The following MPPED2 variants were observed in gnomAD, a reference collection of about 807,000 sequenced individuals.
The protein encoded by MPPED2 is metallophosphoesterase MPPED2.
In MPPED2, 5 loss-of-function variants were observed where a neutral mutation model predicts 33.0. The observed-to-expected ratio is 0.15, with a 90% CI of 0.08 to 0.32. MPPED2 has a LOEUF of 0.32. Ranked by LOEUF, MPPED2 falls within the 10% of genes least tolerant of loss-of-function variation. The probability of loss-of-function intolerance (pLI) is 1.00; values close to 1 mark genes in which losing one functional copy is unlikely to be tolerated. For missense variants in MPPED2, 275 were observed against 372.1 expected, an observed-to-expected ratio of 0.74 and a Z score of 2.15; for synonymous variants, 136 against 141.9, an observed-to-expected ratio of 0.96 and a Z score of 0.29.
At chr11:30,512,814 A>T (rs1205494266) in intron 3 of MPPED2, among the ~76,000 whole-genome samples, 1 of 152,164 alleles carries the variant, frequency 6.6e-6, no homozygotes, top group East Asian at 1.9e-4. Flanking sequence ...CAGCCTGGTC[A>T]ATATGGTGAA....
At chr11:30,443,379 C>G (rs369630360) in intron 4 of MPPED2, among the ~76,000 whole-genome samples, 1 of 152,100 alleles carries the variant, frequency 6.6e-6, no homozygotes, top group Admixed American at 6.6e-5. Context: ...AGTTAGATAA[C>G]TTATCCAAGG....
intron 3 of MPPED2, among the ~76,000 whole-genome samples, chr11:30,524,343 G>T (rs1387568144): frequency 6.6e-6 from 1 of 152,192 alleles, no homozygotes; most frequent in African/African-American, 2.4e-5. Context: ...GGAGAGGCCA[G>T]AGAGAAGTGT....
chr11:30,528,547 G>A lies in MPPED2; in HGVS notation c.310+7447C>T, dbSNP rs548669691. Among the ~76,000 whole-genome samples, 14 of 152,212 alleles carry A rather than the reference G, an allele frequency of 9.2e-5. 1 individual carries two copies. The highest frequency in any genetic ancestry group is 8.3e-4 in the South Asian group (4 of 4,826). Reference sequence around the variant, plus strand: ...GCTGGGATTATAGGCGTGAGCCACCGTGCCTGGCCTCATTGTTTACATGTT... The same window carrying A: ...GCTGGGATTATAGGCGTGAGCCACCATGCCTGGCCTCATTGTTTACATGTT... On this transcript the variant is annotated intron_variant, in intron 3 of 6. Coordinates refer to ENST00000358117, the MANE Select transcript of MPPED2 (RefSeq NM_001584.3).
At chr11:30,554,739 C>T (rs954313380) in intron 2 of MPPED2, among the ~76,000 whole-genome samples, 1 of 152,182 alleles carries the variant, frequency 6.6e-6, no homozygotes, top group African/African-American at 2.4e-5. Flanking sequence ...AAATGATCTG[C>T]CTACCTTGGC....
chr11:30,427,436 A>G (rs2133824142), intron 4 of MPPED2, among the ~76,000 whole-genome samples: 1 of 152,356 alleles, frequency 6.6e-6, no homozygotes, highest in East Asian at 1.9e-4. Context: ...TTTACTAGCA[A>G]GAAAGCCTGC....
chr11:30,547,382 A>C (rs1283959596), intron 2 of MPPED2, among the ~76,000 whole-genome samples: 1 of 152,264 alleles, frequency 6.6e-6, no homozygotes, highest in Non-Finnish European at 1.5e-5. Flanking sequence ...CCTAATATTT[A>C]GCAGTATTTA....
intron 2 of MPPED2, among the ~76,000 whole-genome samples, chr11:30,566,955 G>A (rs1956469695): frequency 6.6e-6 from 1 of 152,144 alleles, no homozygotes; most frequent in South Asian, 2.1e-4. Context: ...AGAGAAAATA[G>A]TGTTTAGTGA....
intron 2 of MPPED2, among the ~76,000 whole-genome samples, chr11:30,561,298 A>G (rs1255713927): frequency 6.6e-6 from 1 of 152,206 alleles, no homozygotes; most frequent in Non-Finnish European, 1.5e-5. Context: ...TGAGCATTCC[A>G]GAGCCACTGT....
intron 3 of MPPED2, among the ~76,000 whole-genome samples, chr11:30,530,989 T>C (rs1158222851): frequency 2.0e-5 from 3 of 152,202 alleles, no homozygotes; most frequent in African/African-American, 7.2e-5. Context: ...GTACTTTATC[T>C]AGTTCACAAG....
intron 6 of MPPED2, among the ~76,000 whole-genome samples, chr11:30,391,201 C>T (rs557359779): frequency 6.6e-6 from 1 of 152,224 alleles, no homozygotes; most frequent in South Asian, 2.1e-4. Context: ...GCTTTGGGCC[C>T]CAACTCCCTT....
chr11:30,451,642 A>C (rs1219902066), intron 4 of MPPED2: 1 of 911,348 alleles, frequency 1.1e-6, no homozygotes, highest in African/African-American at 1.8e-5. Context: ...ATGATAAAAG[A>C]AGCCTGTATT....
intron 4 of MPPED2, among the ~76,000 whole-genome samples, chr11:30,486,725 A>G (rs1406127245): frequency 6.6e-6 from 1 of 152,198 alleles, no homozygotes; most frequent in Non-Finnish European, 1.5e-5. Flanking sequence ...TTATTGAACG[A>G]TGCTCACCTG....
At chr11:30,481,084 T>C (rs562724383) in intron 4 of MPPED2, among the ~76,000 whole-genome samples, 2 of 152,268 alleles carry the variant, frequency 1.3e-5, no homozygotes, top group Admixed American at 1.3e-4. Flanking sequence ...CAGTAGCTAA[T>C]ACTGTAGCTA....
At position 30,440,442 on chromosome 11, in the gene MPPED2, T is replaced by C. The variant is rs377689024; in HGVS notation, c.537-22809A>G. On this transcript the variant is annotated intron_variant, in intron 4 of 6. Coordinates refer to ENST00000358117, the MANE Select transcript of MPPED2 (RefSeq NM_001584.3). ...AGGTGAGTAGCCATGACAGAGACCATATGGGCCGTAAAGTCTAAGATATTT... is the reference window on the plus strand; with the variant it reads ...AGGTGAGTAGCCATGACAGAGACCACATGGGCCGTAAAGTCTAAGATATTT... Among the ~76,000 whole-genome samples the C allele has an allele frequency of 3.9e-5, 6 of 151,956 alleles. No homozygotes were observed. The East Asian group carries it at 5.8e-4, about 15-fold the overall frequency.
At chr11:30,389,936 C>A (rs1479722367) in intron 6 of MPPED2, among the ~76,000 whole-genome samples, 1 of 152,164 alleles carries the variant, frequency 6.6e-6, no homozygotes, top group Non-Finnish European at 1.5e-5. Context: ...CATCAACACA[C>A]AAAATACCCA....
chr11:30,479,583 T>C (rs1951385415), intron 4 of MPPED2, among the ~76,000 whole-genome samples: 1 of 152,066 alleles, frequency 6.6e-6, no homozygotes, highest in Admixed American at 6.6e-5. Context: ...CTCTTCCACC[T>C]GCTTGCTACA....
At chr11:30,430,049 T>C (rs145400265) in intron 4 of MPPED2, among the ~76,000 whole-genome samples, 2 of 152,242 alleles carry the variant, frequency 1.3e-5, no homozygotes, top group East Asian at 3.9e-4. Flanking sequence ...TGACACAAAA[T>C]AGAGGTCAAG....
At chr11:30,526,321 T>C (rs1954175863) in intron 3 of MPPED2, among the ~76,000 whole-genome samples, 1 of 151,112 alleles carries the variant, frequency 6.6e-6, no homozygotes, top group African/African-American at 2.4e-5. Flanking sequence ...ACAATGATGA[T>C]GAGAAAGGGG....
chr11:30,546,326 C>T (rs1399932565), intron 2 of MPPED2, among the ~76,000 whole-genome samples: 1 of 152,082 alleles, frequency 6.6e-6, no homozygotes, highest in Non-Finnish European at 1.5e-5. Context: ...CATTAAGAGC[C>T]ATCAAACACA....
Sources: gnomAD v4.1 joint callset for allele counts (sites outside exome capture counted in the v4.1 genomes callset) on GRCh38, gnomAD v4.1.1 for gene constraint, MANE v1.5 for transcripts, NCBI Gene and HGNC (gene_info 2026-07-23, HGNC 2026-07-21) for gene names.